The following SUGCT variants were observed in gnomAD, a reference collection of about 807,000 sequenced individuals.
SUGCT encodes the protein succinyl-CoA:glutarate CoA-transferase.
A neutral mutation model predicts 55.0 loss-of-function variants in SUGCT; 41 were observed. That is an observed-to-expected ratio of 0.74 (90% confidence interval 0.58 to 0.97). The LOEUF is 0.97. Among genes scored for constraint, SUGCT ranks in the 50% least tolerant of loss-of-function variants. The pLI, the probability that SUGCT is intolerant of heterozygous loss-of-function variation, is 0.00. For synonymous variants in SUGCT, 187 were observed against 200.4 expected (o/e 0.93, Z 0.56); for missense variants, 568 against 547.8 (o/e 1.04, Z -0.37).
chr7:40,395,489 CAAAAAAAA>C (rs36068766), intron 9 of SUGCT, among the ~76,000 whole-genome samples: 10 of 46,132 alleles, frequency 2.2e-4, no homozygotes, highest in East Asian at 5.1e-4. Context: ...AACTCTGTCT[CAAAAAAAA>C]AAAAAAAAAA....
intron 12 of SUGCT, among the ~76,000 whole-genome samples, chr7:40,713,040 T>C (rs1785807201): frequency 6.6e-6 from 1 of 152,230 alleles, no homozygotes; most frequent in African/African-American, 2.4e-5. Context: ...AATGGCCCAC[T>C]TCAATTCAGA....
At chr7:40,320,988 T>C (rs1795697036) in intron 9 of SUGCT, among the ~76,000 whole-genome samples, 1 of 152,102 alleles carries the variant, frequency 6.6e-6, no homozygotes, top group Non-Finnish European at 1.5e-5. Flanking sequence ...CCACTCTCTA[T>C]GTCCATGTTA....
chr7:40,741,781 T>C (rs891924739), intron 12 of SUGCT, among the ~76,000 whole-genome samples: 1 of 152,176 alleles, frequency 6.6e-6, no homozygotes, highest in Admixed American at 6.5e-5. Context: ...TGCCTCAGAA[T>C]GGGTGAATCT....
At chr7:40,302,791 G>A (rs1794614903) in intron 8 of SUGCT, among the ~76,000 whole-genome samples, 1 of 152,094 alleles carries the variant, frequency 6.6e-6, no homozygotes, top group Admixed American at 6.5e-5. Context: ...GGATGTATAT[G>A]CCAGAGGATG....
chr7:40,394,480 CAT>C (rs1183042159), intron 9 of SUGCT, among the ~76,000 whole-genome samples: 13 of 152,096 alleles, frequency 8.5e-5, no homozygotes, highest in Non-Finnish European at 5.9e-5. Flanking sequence ...AATTGACAAA[CAT>C]AAATTATATA....
intron 9 of SUGCT, among the ~76,000 whole-genome samples, chr7:40,344,560 A>G (rs563078788): frequency 6.6e-6 from 1 of 152,232 alleles, no homozygotes; most frequent in Non-Finnish European, 1.5e-5. Flanking sequence ...TCACTTGATT[A>G]TATATTGTCT....
At chr7:40,793,046 C>T (rs1790390490) in intron 13 of SUGCT, 1 of 152,126 alleles carries the variant, frequency 6.6e-6, no homozygotes, top group South Asian at 2.1e-4. Context: ...TATCTCCATA[C>T]AACATTCATA....
chr7:40,445,475 A>G (rs1037982175), intron 9 of SUGCT, among the ~76,000 whole-genome samples: 1 of 152,154 alleles, frequency 6.6e-6, no homozygotes, highest in African/African-American at 2.4e-5. Context: ...GAATAGACCA[A>G]TATCAGGCTC....
intron 12 of SUGCT, among the ~76,000 whole-genome samples, chr7:40,701,405 C>G (rs1046304199): frequency 6.6e-6 from 1 of 152,182 alleles, no homozygotes; most frequent in East Asian, 1.9e-4. Flanking sequence ...GCTCCTACAG[C>G]ACTGGGAGGC....
intron 12 of SUGCT, among the ~76,000 whole-genome samples, chr7:40,714,140 C>T (rs1584323142): frequency 6.6e-6 from 1 of 151,868 alleles, no homozygotes; most frequent in African/African-American, 2.4e-5. Flanking sequence ...GACCAGCCTG[C>T]CCAACATGAT....
chr7:40,990,741 A>T, the SUGCT span, among the ~76,000 whole-genome samples: 1 of 152,154 alleles, frequency 6.6e-6, no homozygotes, highest in African/African-American at 2.4e-5. Flanking sequence ...TGTTGTGGCT[A>T]CTCCATCAGC....
intron 3 of SUGCT, 44 bp from the exon 4 acceptor site, chr7:40,188,451 A>AAAC: frequency 7.4e-7 from 1 of 1,350,462 alleles, no homozygotes; most frequent in South Asian, 1.3e-5. Context: ...AAAAAAAAAA[A>AAAC]AAAACAAACC....
At chr7:40,640,832 G>C (rs1800238161) in intron 12 of SUGCT, among the ~76,000 whole-genome samples, 1 of 152,212 alleles carries the variant, frequency 6.6e-6, no homozygotes, top group Admixed American at 6.5e-5. Flanking sequence ...GCCAAATGAA[G>C]CAGACTATGA....
intron 12 of SUGCT, among the ~76,000 whole-genome samples, chr7:40,588,141 A>T (rs2151726930): frequency 6.6e-6 from 1 of 151,810 alleles, no homozygotes; most frequent in East Asian, 1.9e-4. Context: ...ACCTCAAGTG[A>T]TCTGCCCGCC....
At chr7:40,136,655 A>G (rs867123171) in intron 1 of SUGCT, among the ~76,000 whole-genome samples, 4 of 152,336 alleles carry the variant, frequency 2.6e-5, no homozygotes, top group Middle Eastern at 6.8e-3. Flanking sequence ...TATTAAATAC[A>G]GTAGTTCTGT....
At chr7:40,337,909 G>C (rs1796808397) in intron 9 of SUGCT, among the ~76,000 whole-genome samples, 1 of 152,058 alleles carries the variant, frequency 6.6e-6, no homozygotes, top group African/African-American at 2.4e-5. Context: ...TCCATGTTTA[G>C]TGCTTCATTC....
At chr7:40,785,087 A>C (rs1789947248) in intron 13 of SUGCT, 1 of 152,116 alleles carries the variant, frequency 6.6e-6, no homozygotes, top group Non-Finnish European at 1.5e-5. Context: ...ACATTTATAC[A>C]TTTCATATTT....
intron 7 of SUGCT, among the ~76,000 whole-genome samples, chr7:40,264,077 T>C (rs977296420): frequency 6.6e-6 from 1 of 152,160 alleles, no homozygotes. Context: ...ATTTAGTGCT[T>C]TGTAGTGTTA....
chr7:40,945,329 T>C, the SUGCT span, among the ~76,000 whole-genome samples: 3 of 152,118 alleles, frequency 2.0e-5, no homozygotes, highest in African/African-American at 7.2e-5. Context: ...TAAACAGGCA[T>C]CTGTTTTTGT....
Sources: gnomAD v4.1 joint callset for allele counts (sites outside exome capture counted in the v4.1 genomes callset) on GRCh38, gnomAD v4.1.1 for gene constraint, MANE v1.5 for transcripts, NCBI Gene and HGNC (gene_info 2026-07-23, HGNC 2026-07-21) for gene names.